The following SYT7 variants were observed in gnomAD, a reference collection of about 807,000 sequenced individuals.
SYT7 encodes the protein synaptotagmin-7.
In SYT7, 29 loss-of-function variants were observed where a neutral mutation model predicts 75.1. The ratio of observed to expected loss-of-function variants is 0.39; its 90% confidence interval spans 0.29 to 0.53. The LOEUF (loss-of-function observed/expected upper bound fraction) is 0.53. Among genes scored for constraint, SYT7 ranks in the 20% least tolerant of loss-of-function variants. The probability of loss-of-function intolerance (pLI) is 0.77; values close to 1 mark genes in which losing one functional copy is unlikely to be tolerated. For synonymous variants in SYT7, 376 were observed against 401.7 expected, an observed-to-expected ratio of 0.94 and a Z score of 0.76; for missense variants, 693 against 953.2, an observed-to-expected ratio of 0.73 and a Z score of 3.59.
chr11:61,513,752 C>T lies in SYT7; in HGVS notation c.*4875G>A, dbSNP rs1368867290. On this transcript the variant is annotated 3_prime_UTR_variant, in exon 13 of 13. Coordinates refer to ENST00000539008, the MANE Select transcript of SYT7 (RefSeq NM_001365809.2). ...ATGAACGTTTATTAGCACACCTGGG[C>T]GTGCCACATGGAACATGTATGCAGA... Among the ~76,000 whole-genome samples the T allele has an allele frequency of 3.9e-5, 6 of 152,208 alleles. No individual in the cohort carries two copies. Among genetic ancestry groups the T allele is most frequent in the African/African-American group, 7.2e-5 (3 of 41,442 alleles).
At chr11:61,548,860 T>C (rs2063267046) in intron 3 of SYT7, among the ~76,000 whole-genome samples, 1 of 152,184 alleles carries the variant, frequency 6.6e-6, no homozygotes, top group Admixed American at 6.5e-5. Context: ...GTAGACAGAT[T>C]TCTCTGTCCA....
intron 12 of SYT7, among the ~76,000 whole-genome samples, chr11:61,520,737 C>A (rs143521607): frequency 6.6e-6 from 1 of 151,954 alleles, no homozygotes; most frequent in East Asian, 1.9e-4. Context: ...GCAGGAGAAT[C>A]GCTTGAACCC....
At chr11:61,544,196 G>A (rs1272936810) in intron 5 of SYT7, among the ~76,000 whole-genome samples, 1 of 152,114 alleles carries the variant, frequency 6.6e-6, no homozygotes, top group Non-Finnish European at 1.5e-5. Context: ...TAGGGCCATG[G>A]GGCAGCCAAG....
chr11:61,524,309 C>A lies in SYT7; in HGVS notation c.1641+54G>T. 6.3e-7 allele frequency: 1 copy of A among 1,596,358 alleles called. No homozygotes were observed. The highest frequency in any genetic ancestry group is 1.7e-5 in the Admixed American group (1 of 58,432). On this transcript the variant is annotated intron_variant, in intron 10 of 12. Coordinates refer to ENST00000539008, the MANE Select transcript of SYT7 (RefSeq NM_001365809.2). The surrounding 1 kb of genome is among the most constrained non-coding windows in gnomAD (Gnocchi z 4.1). Reference sequence around the variant, plus strand: ...GGTTGACAAGGGTCTGGGACCAGATCTCCCAGCCCTGCCCTGCTGCCTGTC... The same window carrying A: ...GGTTGACAAGGGTCTGGGACCAGATATCCCAGCCCTGCCCTGCTGCCTGTC...
At position 61,542,216 on chromosome 11, in the gene SYT7, G is replaced by A. The variant is rs1234738801; in HGVS notation, c.936C>T (p.Ser312=). 3 of 1,534,194 alleles carry A rather than the reference G, an allele frequency of 2.0e-6. No homozygotes were observed. Among genetic ancestry groups the A allele is most frequent in the Non-Finnish European group, 2.6e-6 (3 of 1,146,054 alleles). The change falls in exon 6 of 13, where the codon TCC becomes TCT. Residue 312 remains serine (S), a synonymous_variant. Transcript: ENST00000539008. The surrounding 1 kb of genome is among the most constrained non-coding windows in gnomAD (Gnocchi z 7.8). The stretch of plus-strand genomic sequence containing the variant: ...CGCTCAAGGGGAGGACTTACAGGAA[G>A]GATTTCATGTCCAAGCCTCGGTTTC... ...QIRNRGLDMK[S]FLEGRMVVLS...
At chr11:61,558,535 C>T (rs543933131) in intron 1 of SYT7, among the ~76,000 whole-genome samples, 229 of 137,724 alleles carry the variant, frequency 1.7e-3, no homozygotes, top group African/African-American at 4.8e-3. Flanking sequence ...CACACACACA[C>T]ATATATATAT....
chr11:61,538,538 C>T (rs1309698677), intron 6 of SYT7, among the ~76,000 whole-genome samples: 1 of 152,072 alleles, frequency 6.6e-6, no homozygotes, highest in Non-Finnish European at 1.5e-5. Context: ...TTGACTACGG[C>T]CTGAGACTCC....
chr11:61,550,504 G>A (rs562197601), intron 3 of SYT7, among the ~76,000 whole-genome samples: 3 of 152,142 alleles, frequency 2.0e-5, no homozygotes, highest in Non-Finnish European at 1.5e-5. Context: ...GGGATGGGGC[G>A]CTCGGCTTCT....
Position 61,553,367 on chromosome 11 carries a change from G to A in SYT7, c.136-1904C>T, listed in dbSNP as rs533375437. ...CTGAGGGCATCCCATGCCACCCCTC[G>A]CCCTTCTCTTCCTTCTTTCTGGCTT... On this transcript the variant is annotated intron_variant, in intron 2 of 12. Coordinates refer to ENST00000539008, the MANE Select transcript of SYT7 (RefSeq NM_001365809.2). The surrounding 1 kb of genome is among the most constrained non-coding windows in gnomAD (Gnocchi z 5.2). Among the ~76,000 whole-genome samples, 23 of 152,282 alleles carry A rather than the reference G, an allele frequency of 1.5e-4. No individual in the cohort carries two copies. Among genetic ancestry groups the A allele is most frequent in the Admixed American group, 1.2e-3 (18 of 15,302 alleles).
At chr11:61,554,315 C>G (rs2063432070) in intron 2 of SYT7, among the ~76,000 whole-genome samples, 1 of 152,126 alleles carries the variant, frequency 6.6e-6, no homozygotes, top group South Asian at 2.1e-4. Flanking sequence ...CACCCACACA[C>G]ACACACTGCA....
At position 61,580,935 on chromosome 11, in the gene SYT7, C is replaced by T. The variant is rs1838989929; in HGVS notation, c.-115G>A. ...CGACCCCCGGGGGCGGGTCCGAGGG[C>T]GGGGGCCGAGCGGGCTGCACCTAGC... is the stretch of plus-strand genomic sequence containing the variant. On this transcript the variant is annotated 5_prime_UTR_variant, in exon 1 of 13. Transcript: ENST00000539008. This position sits in a 1 kb window ranked among gnomAD's most constrained non-coding sequence, Gnocchi z 6.1. 2.9e-6 allele frequency: 3 copies of T among 1,019,552 alleles called. No homozygotes were observed. The highest frequency in any genetic ancestry group is 4.6e-4 in the Middle Eastern group (1 of 2,152). 63.2% of individuals were successfully genotyped at this position (1,019,552 alleles called of 1,614,324 possible).
intron 8 of SYT7, among the ~76,000 whole-genome samples, chr11:61,529,372 G>A (rs1031083999): frequency 2.6e-5 from 4 of 152,164 alleles, no homozygotes; most frequent in African/African-American, 9.7e-5. Flanking sequence ...CATGACCAGC[G>A]ACTCTCGCAT....
chr11:61,524,615 G>C lies in SYT7; in HGVS notation c.1472-83C>G. The C allele has an allele frequency of 7.0e-7, 1 of 1,420,488 alleles. No individual in the cohort carries two copies. The highest frequency in any genetic ancestry group is 9.5e-7 in the Non-Finnish European group (1 of 1,054,796). The allele number at this position is 1,420,488 out of a possible 1,614,324, so 88.0% of individuals were successfully genotyped here. A position where few individuals can be genotyped will look rare whatever the true frequency, so the allele number is the denominator to read the frequency against. On this transcript the variant is annotated intron_variant, in intron 9 of 12. Coordinates refer to ENST00000539008, the MANE Select transcript of SYT7 (RefSeq NM_001365809.2). This position sits in a 1 kb window ranked among gnomAD's most constrained non-coding sequence, Gnocchi z 4.1. ...GGAGGCAAGGAAGGCCCTGGGAAGA[G>C]GAGGCAGGCCCTGTGCCCTCCCGCT... is the stretch of plus-strand genomic sequence containing the variant.
rs557686181 is a variant in SYT7, at chr11:61,517,337, G to A, written c.*1290C>T. 1.0e-3 allele frequency: 405 copies of A among 398,678 alleles called. No homozygotes were observed. Among genetic ancestry groups the A allele is most frequent in the Non-Finnish European group, 1.6e-3 (367 of 226,110 alleles). The allele number at this position is 398,678 out of a possible 1,614,324, so 24.7% of individuals were successfully genotyped here. A position where few individuals can be genotyped will look rare whatever the true frequency, so the allele number is the denominator to read the frequency against. ...GTGTGTGGCAACCTCAGAACTCACA[G>A]AATCCTGGTCTTTTCCCTGCCTCCT... is the stretch of plus-strand genomic sequence containing the variant. On this transcript the variant is annotated 3_prime_UTR_variant, in exon 13 of 13. Transcript: ENST00000539008.
rs1163779763 is a variant in SYT7, at chr11:61,523,057, C to T, written c.1956+18G>A. 2 of 1,613,720 alleles carry T rather than the reference C, an allele frequency of 1.2e-6. No homozygotes were observed. The highest frequency in any genetic ancestry group is 2.2e-5 in the South Asian group (2 of 91,054). On this transcript the variant is annotated intron_variant, in intron 12 of 12. Transcript: ENST00000539008. This position sits in a 1 kb window ranked among gnomAD's most constrained non-coding sequence, Gnocchi z 5.0. ...ACTGGTGCCAGCAGGTGCACCACACCACCTGCCTCGCCCCTACCTTGCCGA... is the reference window on the plus strand; with the variant it reads ...ACTGGTGCCAGCAGGTGCACCACACTACCTGCCTCGCCCCTACCTTGCCGA...
chr11:61,563,699 C>A (rs925974422), intron 1 of SYT7, among the ~76,000 whole-genome samples: 1 of 152,176 alleles, frequency 6.6e-6, no homozygotes, highest in African/African-American at 2.4e-5. Context: ...CTAGGCTGTT[C>A]CTTCTTCCTG....
chr11:61,581,243 C>T (rs911811862), upstream of SYT7: 1 of 147,102 alleles, frequency 6.8e-6, no homozygotes, highest in African/African-American at 2.4e-5. Context: ...CACCCGCGCC[C>T]GCCGCCGCCC....
upstream of SYT7, among the ~76,000 whole-genome samples, chr11:61,584,509 C>T (rs1258804308): frequency 6.6e-6 from 1 of 152,184 alleles, no homozygotes; most frequent in Non-Finnish European, 1.5e-5. Flanking sequence ...ACAGAGACGA[C>T]ACATACTCCC....
Position 61,542,267 on chromosome 11 carries a change from G to A in SYT7, c.885C>T (p.Ser295=). The A allele has an allele frequency of 6.5e-7, 1 of 1,535,310 alleles. No homozygotes were observed. The highest frequency in any genetic ancestry group is 8.7e-7 in the Non-Finnish European group (1 of 1,146,512). Residue 295 remains serine (S), a synonymous_variant, in exon 6 of 13, where the codon AGC becomes AGT. Transcript: ENST00000539008. This position sits in a 1 kb window ranked among gnomAD's most constrained non-coding sequence, Gnocchi z 7.8. ...AGGRSRSNPG[S]WDHVVGQIRN... is the part of the protein sequence containing the mutation. ...GAATCTGCCCCACCACGTGGTCCCA[G>A]CTGCCTGGGTTGGAGCGGCTGCGGC...
Sources: allele counts gnomAD v4.1 joint callset (sites outside exome capture counted in the v4.1 genomes callset), GRCh38; gene constraint gnomAD v4.1.1; non-coding constraint Gnocchi (gnomAD v3.1); transcripts MANE v1.5; gene names NCBI Gene and HGNC (gene_info 2026-07-23, HGNC 2026-07-21).